RALGPS1: variants seen among roughly 807,000 people sequenced by gnomAD.
RALGPS1 encodes Ral GEF with PH domain and SH3 binding motif 1.
Under a neutral mutation model 78.8 loss-of-function variants are expected in RALGPS1, and 19 were observed. That is an observed-to-expected ratio of 0.24 (90% CI 0.17 to 0.35). The LOEUF is 0.35. RALGPS1 is among the 10% of genes least tolerant of loss of function. The probability of loss-of-function intolerance (pLI) is 1.00; values close to 1 mark genes in which losing one functional copy is unlikely to be tolerated. For missense variants in RALGPS1, 454 were observed against 688.3 expected (o/e 0.66, Z 3.81); for synonymous variants, 228 against 256.3 (o/e 0.89, Z 1.06).
At chr9:127,033,667 T>C (rs1424286208) in intron 4 of RALGPS1, among the ~76,000 whole-genome samples, 1 of 152,250 alleles carries the variant, frequency 6.6e-6, no homozygotes, top group Non-Finnish European at 1.5e-5. Context: ...CTGAGAATGC[T>C]GGGCATTTGG....
At chr9:127,080,427 A>C (rs1266412032) in intron 8 of RALGPS1, among the ~76,000 whole-genome samples, 1 of 152,256 alleles carries the variant, frequency 6.6e-6, no homozygotes, top group Non-Finnish European at 1.5e-5. Context: ...AGAGGCAGCC[A>C]GTGTTTGCAG....
chr9:126,915,083 G>C (rs965252810), intron 1 of RALGPS1, 108 bp downstream of exon 1: 1 of 147,122 alleles, frequency 6.8e-6, no homozygotes, highest in Non-Finnish European at 1.5e-5. Flanking sequence ...GGAGCTGCAG[G>C]TGTGGGGGGC....
intron 4 of RALGPS1, among the ~76,000 whole-genome samples, chr9:126,995,054 A>G (rs1172348768): frequency 1.6e-4 from 25 of 152,282 alleles, no homozygotes; most frequent in Admixed American, 1.6e-3. Context: ...AAGGAACAAC[A>G]AGTACCACCC....
chr9:127,173,728 A>G (rs1288232913), intron 10 of RALGPS1, among the ~76,000 whole-genome samples: 1 of 152,174 alleles, frequency 6.6e-6, no homozygotes, highest in Middle Eastern at 3.2e-3. Flanking sequence ...ACTCCAGTTG[A>G]GAGGCCACGT....
intron 8 of RALGPS1, among the ~76,000 whole-genome samples, chr9:127,129,262 C>G (rs1347268418): frequency 2.0e-5 from 3 of 152,132 alleles, no homozygotes; most frequent in African/African-American, 7.2e-5. Context: ...TTTTCATTTG[C>G]TGGTTTGCTT....
intron 8 of RALGPS1, among the ~76,000 whole-genome samples, chr9:127,125,375 C>G (rs1328792603): frequency 2.6e-5 from 4 of 152,178 alleles, no homozygotes; most frequent in African/African-American, 9.7e-5. Flanking sequence ...GGATGAAGAG[C>G]CATGGCTCAA....
intron 13 of RALGPS1, 32 bp from the exon 14 acceptor site, chr9:127,198,983 G>A (rs1177275561): frequency 5.0e-6 from 8 of 1,604,950 alleles, no homozygotes; most frequent in Admixed American, 3.3e-5. Flanking sequence ...CTGTGAAGCC[G>A]TTGTGCTCAT....
Position 127,212,697 on chromosome 9 carries a change from T to C in RALGPS1, c.1424T>C (p.Leu475Ser). The C allele has an allele frequency of 6.2e-7, 1 of 1,613,222 alleles. No homozygotes were observed. Among genetic ancestry groups the C allele is most frequent in the East Asian group, 2.2e-5 (1 of 44,870 alleles). ...CTCCTGTACTACGGAGCCAAGTCCT[T>C]GCGGGGCACAGACAGAAAACACGTA... is the stretch of plus-strand genomic sequence containing the variant. ...STLLYYGAKS[L>S]RGTDRKHYKS... is the part of the protein sequence containing the mutation. The change falls in exon 16 of 19, where the codon TTG (leucine) becomes TCG (serine). Residue 475 changes from leucine to serine, a missense_variant. Coordinates refer to ENST00000259351, the MANE Select transcript of RALGPS1 (RefSeq NM_014636.3). This position sits in a 1 kb window ranked among gnomAD's most constrained non-coding sequence, Gnocchi z 6.0.
intron 8 of RALGPS1, among the ~76,000 whole-genome samples, chr9:127,121,539 T>C (rs1366987489): frequency 6.6e-6 from 1 of 152,212 alleles, no homozygotes; most frequent in Admixed American, 6.5e-5. Context: ...GACACACATA[T>C]CATAGAAGGA....
chr9:127,092,200 C>A (rs1300196962), intron 8 of RALGPS1, among the ~76,000 whole-genome samples: 1 of 152,206 alleles, frequency 6.6e-6, no homozygotes, highest in Non-Finnish European at 1.5e-5. Context: ...GCTATATTAC[C>A]TTCCCCACAG....
In RALGPS1 at chr9:127,182,310, C is replaced by T. The variant is rs181655669; in HGVS notation, c.910+7528C>T. ...CCATGAGCCAGTTAAGCCTACCTAC[C>T]TACCTTCCTTCCTTCCTTCCTGCCT... On this transcript the variant is annotated intron_variant, in intron 11 of 18. Coordinates refer to ENST00000259351, the MANE Select transcript of RALGPS1 (RefSeq NM_014636.3). Among the ~76,000 whole-genome samples, 421 of 151,684 alleles carry T rather than the reference C, an allele frequency of 2.8e-3. 4 individuals are homozygous for T. Among genetic ancestry groups the T allele is most frequent in the Non-Finnish European group, 5.2e-3 (354 of 67,876 alleles).
At chr9:126,999,132 C>T (rs1339071670) in intron 4 of RALGPS1, among the ~76,000 whole-genome samples, 3 of 151,354 alleles carry the variant, frequency 2.0e-5, no homozygotes, top group Admixed American at 2.0e-4. Context: ...CAAACCTGCA[C>T]GTTGTGCACA....
chr9:126,977,404 A>C (rs190104775), intron 3 of RALGPS1, among the ~76,000 whole-genome samples: 2 of 152,324 alleles, frequency 1.3e-5, no homozygotes, highest in Non-Finnish European at 2.9e-5. Context: ...TTTCAAATAA[A>C]ACTGTTCCCT....
chr9:127,082,537 G>A (rs1219596159), intron 8 of RALGPS1, among the ~76,000 whole-genome samples: 1 of 152,162 alleles, frequency 6.6e-6, no homozygotes, highest in African/African-American at 2.4e-5. Flanking sequence ...ATGTATTACT[G>A]AGTGATACGG....
At chr9:126,960,159 C>CTTCA in intron 1 of RALGPS1, among the ~76,000 whole-genome samples, 1 of 137,874 alleles carries the variant, frequency 7.3e-6, no homozygotes, top group African/African-American at 2.8e-5. Flanking sequence ...CCTTTCTTCC[C>CTTCA]TTCCTTCCCT....
intron 5 of RALGPS1, among the ~76,000 whole-genome samples, chr9:127,044,944 A>G (rs1187754002): frequency 6.6e-6 from 1 of 152,240 alleles, no homozygotes; most frequent in East Asian, 1.9e-4. Context: ...CAAGTTATCA[A>G]CATGATTATA....
At chr9:126,980,997 G>A (rs951692010) in intron 4 of RALGPS1, among the ~76,000 whole-genome samples, 1 of 152,172 alleles carries the variant, frequency 6.6e-6, no homozygotes, top group Non-Finnish European at 1.5e-5. Flanking sequence ...GACTTCTGGG[G>A]TTGTCCTGGA....
chr9:126,997,420 T>C (rs1451940653), intron 4 of RALGPS1, among the ~76,000 whole-genome samples: 2 of 152,148 alleles, frequency 1.3e-5, no homozygotes, highest in African/African-American at 4.8e-5. Flanking sequence ...CCATTCACAA[T>C]TGCTTCAAAG....
intron 8 of RALGPS1, among the ~76,000 whole-genome samples, chr9:127,103,584 T>G (rs1299132431): frequency 6.6e-6 from 1 of 152,070 alleles, no homozygotes; most frequent in Non-Finnish European, 1.5e-5. Context: ...TTGCTGGGAG[T>G]CAGGTGCACG....
Sources: allele counts gnomAD v4.1 joint callset (sites outside exome capture counted in the v4.1 genomes callset), GRCh38; gene constraint gnomAD v4.1.1; non-coding constraint Gnocchi (gnomAD v3.1); transcripts MANE v1.5; gene names NCBI Gene and HGNC (gene_info 2026-07-23, HGNC 2026-07-21).